Variants in LRP1B observed in about 807,000 individuals in gnomAD.
LRP1B encodes the protein LDL receptor related protein 1B, also known as low-density lipoprotein receptor-related protein 1B.
LRP1B carries 217 observed loss-of-function variants against 556.6 expected under a neutral mutation model. The ratio of observed to expected loss-of-function variants is 0.39; its 90% CI spans 0.35 to 0.44. The LOEUF is 0.44. Among genes scored for constraint, LRP1B ranks in the 20% least tolerant of loss-of-function variants. The probability of loss-of-function intolerance (pLI) is 1.00; values close to 1 mark genes in which losing one functional copy is unlikely to be tolerated. For missense variants in LRP1B, 5,053 were observed against 5,620.8 expected, an observed-to-expected ratio of 0.90 and a Z score of 3.23; for synonymous variants, 2,047 against 1,865.8, an observed-to-expected ratio of 1.10 and a Z score of -2.50.
At chr2:140,914,809 G>A (rs1030508) in intron 21 of LRP1B, among the ~76,000 whole-genome samples, 75,161 of 151,988 alleles carry the variant, frequency 0.49, 19,612 homozygotes, top group Middle Eastern at 0.62. Flanking sequence ...ATTAAAAGGA[G>A]AGGAAATGCA....
intron 35 of LRP1B, among the ~76,000 whole-genome samples, chr2:140,744,495 C>T (rs535037991): frequency 6.6e-6 from 1 of 152,276 alleles, no homozygotes; most frequent in African/African-American, 2.4e-5. Context: ...AAGTCAAGCT[C>T]CACACAAACG....
intron 41 of LRP1B, among the ~76,000 whole-genome samples, chr2:140,658,904 A>C (rs2105335589): frequency 6.6e-6 from 1 of 152,074 alleles, no homozygotes; most frequent in East Asian, 1.9e-4. Context: ...TTTGTCAGAT[A>C]ATGGGCTGTT....
At chr2:140,707,372 C>G (rs1686876990) in intron 37 of LRP1B, among the ~76,000 whole-genome samples, 1 of 152,022 alleles carries the variant, frequency 6.6e-6, no homozygotes, top group Admixed American at 6.6e-5. Flanking sequence ...TGGGAGTCAA[C>G]AGTGAGTTAC....
intron 2 of LRP1B, among the ~76,000 whole-genome samples, chr2:141,692,968 AG>A (rs1691601525): frequency 6.6e-6 from 1 of 152,040 alleles, no homozygotes; most frequent in Non-Finnish European, 1.5e-5. Context: ...CTCAGTGCCA[AG>A]GGAAAATGAG....
intron 4 of LRP1B, 80 bp downstream of exon 4, chr2:141,254,442 G>T: frequency 7.1e-7 from 1 of 1,416,960 alleles, no homozygotes; most frequent in Non-Finnish European, 9.9e-7. Context: ...CACATGGTAG[G>T]TGCTCAAAGA....
At chr2:141,154,478 G>C (rs1373569169) in intron 7 of LRP1B, among the ~76,000 whole-genome samples, 2 of 151,758 alleles carry the variant, frequency 1.3e-5, no homozygotes, top group African/African-American at 2.4e-5. Context: ...CGATGTCACA[G>C]CTTCAAATTT....
intron 77 of LRP1B, among the ~76,000 whole-genome samples, chr2:140,342,924 ACAGT>A (rs1294345644): frequency 6.6e-6 from 1 of 151,658 alleles, no homozygotes; most frequent in Non-Finnish European, 1.5e-5. Context: ...GAAGGAAAAG[ACAGT>A]CAGATCTGAC....
intron 31 of LRP1B, among the ~76,000 whole-genome samples, chr2:140,817,830 C>T (rs2380891): frequency 0.72 from 109,085 of 151,144 alleles, 41,995 homozygotes; most frequent in Non-Finnish European, 0.86. Context: ...ATTAAGGCTT[C>T]CAATAGATAT....
chr2:141,641,183 A>G (rs968880472), intron 2 of LRP1B, among the ~76,000 whole-genome samples: 6 of 85,044 alleles, frequency 7.1e-5, no homozygotes, highest in African/African-American at 3.0e-4. Flanking sequence ...AAGTGCCGGT[A>G]GTATAGCTGG....
chr2:142,083,782 T>A (rs1310924012), intron 1 of LRP1B, among the ~76,000 whole-genome samples: 1 of 152,204 alleles, frequency 6.6e-6, no homozygotes. Flanking sequence ...CAAAAAATCT[T>A]TATCAAATAT....
In LRP1B at chr2:141,015,771, G is replaced by A. The variant is rs990796872; in HGVS notation, c.2115C>T (p.His705=). 1.9e-6 allele frequency: 3 copies of A among 1,613,354 alleles called. No individual in the cohort carries two copies. In the Admixed American group the frequency reaches 5.0e-5, roughly 27 times the overall value. ...LWPNGLTLDF[H]TNTLYWCDAY... ...CATCACACCAGTATAATGTGTTGGT[G>A]TGAAAGTCCAGAGTTAAACCGTTTG... Residue 705 remains histidine, a synonymous_variant, in exon 13 of 91, where the codon CAC becomes CAT. Coordinates refer to ENST00000389484, the MANE Select transcript of LRP1B (RefSeq NM_018557.3).
chr2:141,476,057 G>A (rs936014701), intron 3 of LRP1B, among the ~76,000 whole-genome samples: 4 of 152,120 alleles, frequency 2.6e-5, no homozygotes, highest in Non-Finnish European at 5.9e-5. Context: ...GGAGTTGCAG[G>A]CACCGAACCG....
chr2:142,099,966 A>G (rs1195745129), intron 1 of LRP1B, among the ~76,000 whole-genome samples: 1 of 151,958 alleles, frequency 6.6e-6, no homozygotes, highest in African/African-American at 2.4e-5. Flanking sequence ...AAAGATGTCA[A>G]TTGTAATAGA....
At chr2:141,967,982 A>G (rs749702817) in intron 1 of LRP1B, among the ~76,000 whole-genome samples, 1 of 151,846 alleles carries the variant, frequency 6.6e-6, no homozygotes, top group Non-Finnish European at 1.5e-5. Context: ...TCAGAAGAAC[A>G]AAAATGTATT....
intron 1 of LRP1B, among the ~76,000 whole-genome samples, chr2:141,928,562 A>G (rs1700400694): frequency 6.6e-6 from 1 of 152,156 alleles, no homozygotes; most frequent in African/African-American, 2.4e-5. Context: ...TCACATGTAC[A>G]TCTGAAGGCA....
At chr2:140,604,184 C>A (rs1574132752) in intron 41 of LRP1B, among the ~76,000 whole-genome samples, 1 of 150,002 alleles carries the variant, frequency 6.7e-6, no homozygotes, top group South Asian at 2.1e-4. Context: ...AAATATAATG[C>A]AAACCAGTAA....
At chr2:141,136,630 C>CA (rs66495348) in intron 7 of LRP1B, among the ~76,000 whole-genome samples, 12 of 129,290 alleles carry the variant, frequency 9.3e-5, no homozygotes, top group African/African-American at 3.4e-4. Flanking sequence ...AAGTGATGAG[C>CA]AAAAAAAAAA....
intron 63 of LRP1B, 60 bp downstream of exon 63, chr2:140,450,508 C>A: frequency 7.8e-7 from 1 of 1,281,956 alleles, no homozygotes; most frequent in Non-Finnish European, 1.1e-6. Context: ...ATTCAATTTT[C>A]CAGGTCTGGG....
chr2:140,600,016 T>C (rs1002107153), intron 42 of LRP1B, among the ~76,000 whole-genome samples: 2 of 152,172 alleles, frequency 1.3e-5, no homozygotes, highest in African/African-American at 4.8e-5. Context: ...TATTTACAAA[T>C]AATTATCAAA....
Sources: allele counts gnomAD v4.1 joint callset (sites outside exome capture counted in the v4.1 genomes callset), GRCh38; gene constraint gnomAD v4.1.1; transcripts MANE v1.5; gene names NCBI Gene and HGNC (gene_info 2026-07-23, HGNC 2026-07-21).